Variants in SOX6 observed in about 807,000 individuals in gnomAD.
SOX6 encodes transcription factor SOX-6.
A neutral mutation model predicts 97.8 loss-of-function variants in SOX6; 11 were observed. That is an observed-to-expected ratio of 0.11 (90% CI 0.07 to 0.19). The LOEUF is 0.19. Ranked by LOEUF, SOX6 falls within the 10% of genes least tolerant of loss-of-function variation. The probability of loss-of-function intolerance (pLI) is 1.00; values close to 1 mark genes in which losing one functional copy is unlikely to be tolerated. For missense variants in SOX6, 810 were observed against 1,039.5 expected, an observed-to-expected ratio of 0.78 and a Z score of 3.04; for synonymous variants, 360 against 371.4, an observed-to-expected ratio of 0.97 and a Z score of 0.35.
At chr11:16,443,701 T>C (rs1859554626) in intron 1 of SOX6, among the ~76,000 whole-genome samples, 1 of 152,066 alleles carries the variant, frequency 6.6e-6, no homozygotes, top group African/African-American at 2.4e-5. Flanking sequence ...GCCCAATATG[T>C]AGTGTCTATA....
intron 4 of SOX6, among the ~76,000 whole-genome samples, chr11:16,547,228 G>A (rs542749321): frequency 6.6e-6 from 1 of 152,128 alleles, no homozygotes; most frequent in South Asian, 2.1e-4. Flanking sequence ...ACTAAAAATA[G>A]AACAACCATA....
At chr11:16,007,345 T>C (rs1158214584) in intron 13 of SOX6, among the ~76,000 whole-genome samples, 1 of 152,064 alleles carries the variant, frequency 6.6e-6, no homozygotes, top group Non-Finnish European at 1.5e-5. Flanking sequence ...AGAAAAAATA[T>C]GGTATTGTAC....
At chr11:16,231,912 G>C (rs910788153) in intron 4 of SOX6, among the ~76,000 whole-genome samples, 2 of 151,648 alleles carry the variant, frequency 1.3e-5, no homozygotes, top group Non-Finnish European at 3.0e-5. Flanking sequence ...ATTTTGTGGG[G>C]AAAATTAACA....
intron 11 of SOX6, among the ~76,000 whole-genome samples, chr11:16,047,341 G>T (rs1855865024): frequency 6.6e-6 from 1 of 152,012 alleles, no homozygotes; most frequent in African/African-American, 2.4e-5. Context: ...TTTACCAAGA[G>T]AATGACAACC....
chr11:16,110,758 A>G (rs1444185116), intron 7 of SOX6, among the ~76,000 whole-genome samples: 1 of 152,196 alleles, frequency 6.6e-6, no homozygotes, highest in Non-Finnish European at 1.5e-5. Flanking sequence ...AACAGATGCT[A>G]AAATGCACTA....
intron 1 of SOX6, among the ~76,000 whole-genome samples, chr11:16,447,440 G>T (rs1393930): frequency 1 from 151,427 of 152,158 alleles, 75,355 homozygotes; most frequent in Middle Eastern, 1. Flanking sequence ...TCTCTCCTTC[G>T]ATTTCTCTCT....
intron 4 of SOX6, among the ~76,000 whole-genome samples, chr11:16,481,850 C>T (rs1364440280): frequency 6.6e-6 from 1 of 151,800 alleles, no homozygotes; most frequent in Non-Finnish European, 1.5e-5. Flanking sequence ...ATATTAGAAA[C>T]TAAAACTTTA....
At chr11:16,224,206 C>T (rs1295918302) in intron 4 of SOX6, among the ~76,000 whole-genome samples, 7 of 151,912 alleles carry the variant, frequency 4.6e-5, no homozygotes, top group Admixed American at 3.9e-4. Context: ...TAACTACAAA[C>T]AATAAGTTTC....
chr11:16,711,107 C>T (rs1191069605), intron 3 of SOX6, among the ~76,000 whole-genome samples: 2 of 152,172 alleles, frequency 1.3e-5, no homozygotes, highest in East Asian at 3.8e-4. Context: ...AACCCAGGTC[C>T]CCATTATTTC....
chr11:16,151,099 C>G (rs1444254659), intron 6 of SOX6, among the ~76,000 whole-genome samples: 4 of 152,050 alleles, frequency 2.6e-5, no homozygotes, highest in African/African-American at 7.2e-5. Context: ...TTATAACATA[C>G]AAATGGGAAA....
chr11:16,537,732 G>T (rs114213037), intron 4 of SOX6, among the ~76,000 whole-genome samples: 1 of 152,072 alleles, frequency 6.6e-6, no homozygotes, highest in Non-Finnish European at 1.5e-5. Flanking sequence ...ATCAGTGATT[G>T]CAGATCAAAT....
chr11:16,244,023 C>T (rs562768145), intron 3 of SOX6, among the ~76,000 whole-genome samples: 112 of 151,842 alleles, frequency 7.4e-4, no homozygotes, highest in Non-Finnish European at 1.2e-3. Flanking sequence ...ATCTATTTTT[C>T]CCCCTTAAAA....
At chr11:16,314,357 T>C (rs1302455650) in intron 3 of SOX6, 1 of 152,216 alleles carries the variant, frequency 6.6e-6, no homozygotes, top group African/African-American at 2.4e-5. Flanking sequence ...CCCATTTCCC[T>C]ACAGAACCTT....
At chr11:16,069,977 A>T (rs1199641881) in intron 9 of SOX6, among the ~76,000 whole-genome samples, 1 of 152,000 alleles carries the variant, frequency 6.6e-6, no homozygotes, top group Non-Finnish European at 1.5e-5. Context: ...TAACACGTGA[A>T]ACCCCGTCTC....
chr11:16,273,606 A>G (rs1321852611), intron 3 of SOX6, among the ~76,000 whole-genome samples: 1 of 151,988 alleles, frequency 6.6e-6, no homozygotes, highest in African/African-American at 2.4e-5. Flanking sequence ...AATTTTCTCC[A>G]TCTTCTAAGG....
At chr11:16,136,861 T>G (rs1849979152) in intron 6 of SOX6, among the ~76,000 whole-genome samples, 1 of 152,078 alleles carries the variant, frequency 6.6e-6, no homozygotes, top group Non-Finnish European at 1.5e-5. Flanking sequence ...TACATAAGTA[T>G]ATAGTCTCTC....
intron 1 of SOX6, among the ~76,000 whole-genome samples, chr11:16,392,542 T>G (rs1275714550): frequency 6.6e-6 from 1 of 152,144 alleles, no homozygotes; most frequent in Non-Finnish European, 1.5e-5. Flanking sequence ...GATAAGTAAA[T>G]TAATTTATTA....
At chr11:16,143,013 A>G (rs1255888798) in intron 6 of SOX6, among the ~76,000 whole-genome samples, 1 of 152,046 alleles carries the variant, frequency 6.6e-6, no homozygotes, top group Non-Finnish European at 1.5e-5. Flanking sequence ...CCACAAAGAT[A>G]CTCCTCGAGA....
upstream of SOX6, among the ~76,000 whole-genome samples, chr11:16,361,146 G>C (rs72870000): frequency 0.015 from 2,314 of 152,114 alleles, 83 homozygotes; most frequent in Non-Finnish European, 0.013. Context: ...TCTTTTTACA[G>C]AGTAAACTCT....
Sources: allele counts gnomAD v4.1 joint callset (sites outside exome capture counted in the v4.1 genomes callset), GRCh38; gene constraint gnomAD v4.1.1; transcripts MANE v1.5; gene names NCBI Gene and HGNC (gene_info 2026-07-23, HGNC 2026-07-21).